The following ADAMTSL1 variants were observed in gnomAD, a reference collection of about 807,000 sequenced individuals.
ADAMTSL1 encodes the protein ADAMTS-like protein 1.
In ADAMTSL1, 126 loss-of-function variants were observed where a neutral mutation model predicts 201.8. That is an observed-to-expected ratio of 0.62 (90% CI 0.54 to 0.72). ADAMTSL1 has a LOEUF of 0.72. Among genes scored for constraint, ADAMTSL1 ranks in the 30% least tolerant of loss-of-function variants. ADAMTSL1 has a pLI of 0.00. For synonymous variants in ADAMTSL1, 1,121 were observed against 903.4 expected (o/e 1.24, Z -4.32); for missense variants, 2,679 against 2,277.8 (o/e 1.18, Z -3.59).
At chr9:18,885,110 C>G (rs1466978277) in intron 23 of ADAMTSL1, among the ~76,000 whole-genome samples, 1 of 152,154 alleles carries the variant, frequency 6.6e-6, no homozygotes, top group African/African-American at 2.4e-5. Flanking sequence ...GTCTCTCAGT[C>G]CATTTTGTGC....
chr9:18,172,214 C>T (rs370576903), intron 2 of ADAMTSL1, among the ~76,000 whole-genome samples: 4 of 152,010 alleles, frequency 2.6e-5, no homozygotes, highest in East Asian at 3.9e-4. Context: ...AACCATGGCA[C>T]GTGTATACCT....
chr9:18,594,294 T>C (rs1321597283), intron 4 of ADAMTSL1, among the ~76,000 whole-genome samples: 2 of 152,168 alleles, frequency 1.3e-5, no homozygotes, highest in African/African-American at 4.8e-5. Context: ...AGGATTCTTT[T>C]CTTTTACCTT....
In ADAMTSL1 at chr9:17,989,750, T is replaced by C. The variant is rs1819074619; in HGVS notation, c.87+82828T>C. Among the ~76,000 whole-genome samples, 3 of 152,006 alleles carry C rather than the reference T, an allele frequency of 2.0e-5. No homozygotes were observed. In the South Asian group the frequency reaches 6.2e-4, roughly 31 times the overall value. On this transcript the variant is annotated intron_variant, in intron 1 of 29. Coordinates refer to the ADAMTSL1 transcript ENST00000680146. ...GTTTTAATGGGTATTTGTTTATTTCTAGAAATGGTAGTCATTTTTTCATAT... is the reference window on the plus strand; with the variant it reads ...GTTTTAATGGGTATTTGTTTATTTCCAGAAATGGTAGTCATTTTTTCATAT...
chr9:18,556,661 T>A (rs976869632), intron 3 of ADAMTSL1, among the ~76,000 whole-genome samples: 2 of 151,980 alleles, frequency 1.3e-5, no homozygotes, highest in African/African-American at 4.8e-5. Context: ...TTAAAATATG[T>A]CCATGCTCCA....
chr9:18,609,196 G>A (rs1041745235), intron 4 of ADAMTSL1, among the ~76,000 whole-genome samples: 3 of 152,180 alleles, frequency 2.0e-5, no homozygotes, highest in Non-Finnish European at 4.4e-5. Context: ...AGTGGTTCCT[G>A]AATTAACTCT....
intron 21 of ADAMTSL1, among the ~76,000 whole-genome samples, chr9:18,822,885 A>T (rs897113805): frequency 6.6e-6 from 1 of 152,230 alleles, no homozygotes; most frequent in African/African-American, 2.4e-5. Flanking sequence ...CATGTGTATC[A>T]CTACCTTTTC....
intron 4 of ADAMTSL1, among the ~76,000 whole-genome samples, chr9:18,604,983 C>A (rs1464018575): frequency 6.6e-6 from 1 of 152,122 alleles, no homozygotes. Context: ...ATACCATTCC[C>A]ATAAAGAGTG....
intron 15 of ADAMTSL1, among the ~76,000 whole-genome samples, chr9:18,726,459 T>C (rs1448774945): frequency 1.3e-5 from 2 of 151,640 alleles, no homozygotes; most frequent in African/African-American, 2.4e-5. Flanking sequence ...TGCAGTGAGC[T>C]GTGATCACAC....
chr9:18,626,878 C>CTTTCTTTCTTTCTTTCTTTCTTTCTGT, intron 5 of ADAMTSL1, among the ~76,000 whole-genome samples: 1 of 90,004 alleles, frequency 1.1e-5, no homozygotes, highest in South Asian at 3.3e-4. Flanking sequence ...TGTCTTTCTT[C>CTTTCTTTCTTTCTTTCTTTCTTTCTGT]CTTCCTTCCT....
intron 1 of ADAMTSL1, among the ~76,000 whole-genome samples, chr9:18,105,395 C>T (rs931977970): frequency 2.6e-5 from 4 of 152,176 alleles, no homozygotes; most frequent in East Asian, 1.9e-4. Flanking sequence ...GCCCAACCAA[C>T]GACCAGTTCA....
intron 2 of ADAMTSL1, among the ~76,000 whole-genome samples, chr9:18,253,449 G>T (rs902694067): frequency 2.0e-5 from 3 of 152,172 alleles, no homozygotes; most frequent in Non-Finnish European, 4.4e-5. Context: ...ATCAAAGATA[G>T]TGTAAAAAAC....
At chr9:18,679,129 T>A (rs1452640557) in intron 10 of ADAMTSL1, among the ~76,000 whole-genome samples, 1 of 152,120 alleles carries the variant, frequency 6.6e-6, no homozygotes, top group Non-Finnish European at 1.5e-5. Context: ...TGATTCAGGC[T>A]CATGCAGAAG....
intron 23 of ADAMTSL1, among the ~76,000 whole-genome samples, chr9:18,885,035 A>G (rs140396083): frequency 8.8e-4 from 134 of 152,308 alleles, no homozygotes; most frequent in African/African-American, 3.2e-3. Flanking sequence ...ATGTCCTCCC[A>G]TGAATTTATA....
At chr9:18,519,966 T>C (rs1386389073) in intron 2 of ADAMTSL1, among the ~76,000 whole-genome samples, 4 of 152,212 alleles carry the variant, frequency 2.6e-5, no homozygotes, top group Non-Finnish European at 4.4e-5. Flanking sequence ...ACTTGATGCT[T>C]TGCTATAGCA....
At chr9:18,402,880 C>A (rs1291330817) in intron 2 of ADAMTSL1, among the ~76,000 whole-genome samples, 1 of 152,124 alleles carries the variant, frequency 6.6e-6, no homozygotes, top group Non-Finnish European at 1.5e-5. Flanking sequence ...CTGCTATTGC[C>A]AGTATTCATC....
intron 2 of ADAMTSL1, among the ~76,000 whole-genome samples, chr9:18,389,064 T>A (rs78558417): frequency 6.6e-6 from 1 of 152,142 alleles, no homozygotes; most frequent in South Asian, 2.1e-4. Flanking sequence ...CCTAATAGCA[T>A]TGAATTTTAA....
chr9:18,354,362 T>C (rs1295292737), intron 2 of ADAMTSL1, among the ~76,000 whole-genome samples: 1 of 152,136 alleles, frequency 6.6e-6, no homozygotes, highest in Non-Finnish European at 1.5e-5. Context: ...ATTAAGTTGT[T>C]AGATAGGTTT....
intron 1 of ADAMTSL1, among the ~76,000 whole-genome samples, chr9:18,095,621 G>A (rs1044977159): frequency 5.3e-5 from 8 of 151,522 alleles, no homozygotes; most frequent in African/African-American, 1.9e-4. Flanking sequence ...ATGGGGTTTC[G>A]CCATGTTGGC....
intron 1 of ADAMTSL1, among the ~76,000 whole-genome samples, chr9:18,139,426 G>T (rs902405595): frequency 7.9e-5 from 12 of 152,112 alleles, no homozygotes; most frequent in African/African-American, 2.9e-4. Flanking sequence ...GCTTCCCAAA[G>T]TGGGTGAGAG....
Sources: gnomAD v4.1 joint callset for allele counts (sites outside exome capture counted in the v4.1 genomes callset) on GRCh38, gnomAD v4.1.1 for gene constraint, MANE v1.5 for transcripts, NCBI Gene and HGNC (gene_info 2026-07-23, HGNC 2026-07-21) for gene names.